The following INSR variants were observed in gnomAD, a reference collection of about 807,000 sequenced individuals.
The protein encoded by INSR is IR.
A neutral mutation model predicts 142.6 loss-of-function variants in INSR; 67 were observed. That is an observed-to-expected ratio of 0.47 (90% CI 0.39 to 0.58). The LOEUF (loss-of-function observed/expected upper bound fraction) is 0.58, where lower values mean the gene tolerates loss of function less well. Ranked by LOEUF, INSR falls within the 20% of genes least tolerant of loss-of-function variation. The probability of loss-of-function intolerance (pLI) is 0.00; values close to 1 mark genes in which losing one functional copy is unlikely to be tolerated. For synonymous variants in INSR, 756 were observed against 743.1 expected, an observed-to-expected ratio of 1.02 and a Z score of -0.28; for missense variants, 1,248 against 1,833.2, an observed-to-expected ratio of 0.68 and a Z score of 5.83.
At position 7,184,640 on chromosome 19, in the gene INSR, G is replaced by GGAGAGAGAGAGAGAGAGAGAGA. The variant is rs3835070; in HGVS notation, c.653-4_653-3insTCTCTCTCTCTCTCTCTCTCTC. 2.3e-5 allele frequency: 32 copies of GGAGAGAGAGAGAGAGAGAGAGA among 1,376,314 alleles called. No homozygotes were observed. Among genetic ancestry groups the GGAGAGAGAGAGAGAGAGAGAGA allele is most frequent in the Middle Eastern group, 4.8e-4 (2 of 4,204 alleles). 85.3% of individuals were successfully genotyped at this position (1,376,314 alleles called of 1,614,324 possible). On this transcript the variant is annotated splice_region_variant and splice_polypyrimidine_tract_variant and intron_variant, in intron 2 of 21. Transcript: ENST00000302850. ...TGACTTACAGATGGTCGGGCAAACT[G>GGAGAGAGAGAGAGAGAGAGAGA]GAGAGAGAGAGAGAGAGAGAGGGAA...
chr19:7,285,455 AAAAT>A (rs755980140), intron 1 of INSR, among the ~76,000 whole-genome samples: 2 of 151,962 alleles, frequency 1.3e-5, no homozygotes, highest in African/African-American at 2.4e-5. Flanking sequence ...CTCCGTCTCA[AAAAT>A]AAATAAATAA....
In INSR at chr19:7,293,871, C is replaced by T; in HGVS notation, c.21G>A (p.Arg7=). 8.1e-7 allele frequency: 1 copy of T among 1,239,566 alleles called. No homozygotes were observed. The highest frequency in any genetic ancestry group is 3.4e-5 in the South Asian group (1 of 29,324). 76.8% of individuals were successfully genotyped at this position (1,239,566 alleles called of 1,614,324 possible). A position where few individuals can be genotyped will look rare whatever the true frequency, so the allele number is the denominator to read the frequency against. MATGGR[R]GAAAAPLLVA... is the part of the protein sequence containing the mutation. Reference sequence around the variant, plus strand: ...CCAGCAGCGGCGCGGCCGCCGCCCCCCGCCGGCCCCCGGTGGCCATGGCTG... The same window carrying T: ...CCAGCAGCGGCGCGGCCGCCGCCCCTCGCCGGCCCCCGGTGGCCATGGCTG... The change falls in exon 1 of 22, where the codon CGG becomes CGA. Residue 7 remains arginine (R), a synonymous_variant. Transcript: ENST00000302850.
chr19:7,112,752 AGCCATT>A lies in INSR; in HGVS notation c.*4298_*4303del, dbSNP rs1972237415. On this transcript the variant is annotated 3_prime_UTR_variant, in exon 22 of 22. Coordinates refer to ENST00000302850, the MANE Select transcript of INSR (RefSeq NM_000208.4). ...TCAGAAGGTAAAAGTAAGCTCAAAA[AGCCATT>A]GTGTCCCCTCCCCTCACTCCCATTT... 6.6e-6 allele frequency: 1 copy of A among 151,908 alleles called. No individual in the cohort carries two copies. Among genetic ancestry groups the A allele is most frequent in the Non-Finnish European group, 1.5e-5 (1 of 67,984 alleles). 9.4% of individuals were successfully genotyped at this position (151,908 alleles called of 1,614,324 possible). A position where few individuals can be genotyped will look rare whatever the true frequency, so the allele number is the denominator to read the frequency against.
chr19:7,206,431 C>T (rs1039061290), intron 2 of INSR, among the ~76,000 whole-genome samples: 1 of 152,098 alleles, frequency 6.6e-6, no homozygotes, highest in Admixed American at 6.6e-5. Context: ...CAGCAGTGGA[C>T]GAGGGGCGGG....
chr19:7,285,175 G>A (rs1968313659), intron 1 of INSR, among the ~76,000 whole-genome samples: 1 of 152,034 alleles, frequency 6.6e-6, no homozygotes, highest in South Asian at 2.1e-4. Flanking sequence ...ATTAGGCCGG[G>A]CACAGTGGCT....
At chr19:7,217,357 C>T (rs1266039740) in intron 2 of INSR, among the ~76,000 whole-genome samples, 1 of 152,072 alleles carries the variant, frequency 6.6e-6, no homozygotes, top group Non-Finnish European at 1.5e-5. Flanking sequence ...ATCATCCCCC[C>T]GTCTCAAGAT....
In INSR at chr19:7,166,379, C is replaced by A; in HGVS notation, c.1636G>T (p.Asp546Tyr). The change falls in exon 8 of 22, where the codon GAC (aspartate) becomes TAC (tyrosine). Residue 546 changes from aspartate to tyrosine, a missense_variant. Transcript: ENST00000302850. This position sits in a 1 kb window ranked among gnomAD's most constrained non-coding sequence, Gnocchi z 4.1. Reference protein sequence around the residue: ...EAPYQNVTEFDGQDACGSNSW... With the variant: ...EAPYQNVTEFYGQDACGSNSW... ...TTGGAACCACACGCATCCTGCCCGTCGAACTCCGTCACATTCTGATAAGGG... is the reference window on the plus strand; with the variant it reads ...TTGGAACCACACGCATCCTGCCCGTAGAACTCCGTCACATTCTGATAAGGG... 1 of 1,614,032 alleles carries A rather than the reference C, an allele frequency of 6.2e-7. No individual in the cohort carries two copies. The highest frequency in any genetic ancestry group is 1.1e-5 in the South Asian group (1 of 91,052).
chr19:7,143,477 CTGCCAAATGGCAT>C (rs1237274393), intron 11 of INSR, among the ~76,000 whole-genome samples: 2 of 152,196 alleles, frequency 1.3e-5, no homozygotes, highest in African/African-American at 4.8e-5. Context: ...TCAGGAAGCC[CTGCCAAATGGCAT>C]TTGCTCATTG....
At chr19:7,120,597 C>G in intron 20 of INSR, 23 bp downstream of exon 20, 1 of 1,613,738 alleles carries the variant, frequency 6.2e-7, no homozygotes, top group Non-Finnish European at 8.5e-7. Flanking sequence ...CAGCGTCCAT[C>G]CACCCATCCA....
At chr19:7,118,851 C>G (rs547188832) in intron 21 of INSR, among the ~76,000 whole-genome samples, 5 of 141,612 alleles carry the variant, frequency 3.5e-5, no homozygotes, top group African/African-American at 1.3e-4. Context: ...GGAGGCGGAG[C>G]TTGAAGTCAG....
chr19:7,227,860 T>G (rs10413734), intron 2 of INSR, among the ~76,000 whole-genome samples: 46,719 of 151,992 alleles, frequency 0.31, 7,402 homozygotes, highest in South Asian at 0.37. Flanking sequence ...TGGTTAACAT[T>G]GTGTCCTAAA....
intron 2 of INSR, among the ~76,000 whole-genome samples, chr19:7,189,605 G>A (rs557753378): frequency 6.4e-4 from 97 of 152,122 alleles, no homozygotes; most frequent in East Asian, 3.5e-3. Context: ...GCAAGTGATG[G>A]GCCAGATAGT....
chr19:7,249,894 A>C (rs1160085755), intron 2 of INSR, among the ~76,000 whole-genome samples: 1 of 152,080 alleles, frequency 6.6e-6, no homozygotes, highest in Non-Finnish European at 1.5e-5. Context: ...CAGGAGGCTG[A>C]GGCAGGAGAA....
chr19:7,197,516 GGTGT>G lies in INSR; in HGVS notation c.653-12883_653-12880del, dbSNP rs552352795. On this transcript the variant is annotated intron_variant, in intron 2 of 21. Transcript: ENST00000302850. ...TGGCAGGTTCCAGAGTGGGAGTGGGGGTGTGTGTGTGTGTGTGTGTGTGTGTGTG... is the reference window on the plus strand; with the variant it reads ...TGGCAGGTTCCAGAGTGGGAGTGGGGGTGTGTGTGTGTGTGTGTGTGTGTG... Among the ~76,000 whole-genome samples, 164 of 70,924 alleles carry G rather than the reference GGTGT, an allele frequency of 2.3e-3. 5 individuals carry two copies. In the East Asian group the frequency reaches 0.038, roughly 16 times the overall value. The allele number at this position is 70,924 out of a possible 152,430, so 46.5% of individuals were successfully genotyped here.
intron 2 of INSR, among the ~76,000 whole-genome samples, chr19:7,196,110 T>C (rs1003352089): frequency 3.9e-5 from 6 of 151,988 alleles, no homozygotes; most frequent in Non-Finnish European, 8.8e-5. Context: ...TAATTTTGTA[T>C]TTTTAGTAGA....
chr19:7,152,262 G>A (rs1053350787), intron 10 of INSR: 4 of 248,092 alleles, frequency 1.6e-5, no homozygotes, highest in African/African-American at 7.0e-5. Flanking sequence ...GTGGTGCTGC[G>A]CACCTGTAGT....
Position 7,117,374 on chromosome 19 carries a change from G to A in INSR, c.3831C>T (p.Pro1277=). The change falls in exon 22 of 22, where the codon CCC becomes CCT. Residue 1277 remains proline, a synonymous_variant. Transcript: ENST00000302850. ...DLMRMCWQFN[P]KMRPTFLEIV... is the part of the protein sequence containing the mutation. ...TCTCCAGGAAGGTTGGCCTCATCTT[G>A]GGGTTGAATTGCCAGCACATGCGCA... 1 of 1,614,062 alleles carries A rather than the reference G, an allele frequency of 6.2e-7. No individual in the cohort carries two copies. Among genetic ancestry groups the A allele is most frequent in the Non-Finnish European group, 8.5e-7 (1 of 1,179,984 alleles).
Position 7,172,453 on chromosome 19 carries a change from A to G in INSR, c.1124-19T>C. On this transcript the variant is annotated intron_variant, in intron 4 of 21. Transcript: ENST00000302850. ...AGATTGTCTAAGGAAAGGAGAGAATATCCAGTGGGTTTCTATAGACATATT... is the reference window on the plus strand; with the variant it reads ...AGATTGTCTAAGGAAAGGAGAGAATGTCCAGTGGGTTTCTATAGACATATT... The G allele has an allele frequency of 6.2e-7, 1 of 1,613,004 alleles. No homozygotes were observed. The highest frequency in any genetic ancestry group is 8.5e-7 in the Non-Finnish European group (1 of 1,179,266).
At chr19:7,181,894 A>G (rs1190648773) in intron 3 of INSR, among the ~76,000 whole-genome samples, 1 of 151,772 alleles carries the variant, frequency 6.6e-6, no homozygotes, top group Non-Finnish European at 1.5e-5. Flanking sequence ...GCCTTTTAAC[A>G]TGGGTTCCCA....
Sources: allele counts gnomAD v4.1 joint callset (sites outside exome capture counted in the v4.1 genomes callset), GRCh38; gene constraint gnomAD v4.1.1; non-coding constraint Gnocchi (gnomAD v3.1); transcripts MANE v1.5; gene names NCBI Gene and HGNC (gene_info 2026-07-23, HGNC 2026-07-21).